FMNL3: variants seen among roughly 807,000 people sequenced by gnomAD.
FMNL3 encodes formin-like protein 3.
A neutral mutation model predicts 119.6 loss-of-function variants in FMNL3; 57 were observed. The ratio of observed to expected loss-of-function variants is 0.48; its 90% CI spans 0.39 to 0.59. The LOEUF is 0.59. Among genes scored for constraint, FMNL3 ranks in the 20% least tolerant of loss-of-function variants. FMNL3 has a pLI of 0.00. For missense variants in FMNL3, 1,053 were observed against 1,323.5 expected (o/e 0.80, Z 3.17); for synonymous variants, 491 against 507.3 (o/e 0.97, Z 0.43).
In FMNL3 at chr12:49,644,273, C is replaced by A. The variant is rs565479378; in HGVS notation, c.*1542G>T. ...CCTCACCGTCTGCCTCAGACTTCTT[C>A]CTTAGTCTGGTCTGTGTCCACTTTT... On this transcript the variant is annotated 3_prime_UTR_variant, in exon 26 of 26. Coordinates refer to ENST00000335154, the MANE Select transcript of FMNL3 (RefSeq NM_175736.5). 2.0e-6 allele frequency: 3 copies of A among 1,483,472 alleles called. No individual in the cohort carries two copies. The African/African-American group carries it at 4.2e-5, about 21-fold the overall frequency. The allele number at this position is 1,483,472 out of a possible 1,614,324, so 91.9% of individuals were successfully genotyped here.
In FMNL3 at chr12:49,639,690, A is replaced by G. The variant is rs140284083; in HGVS notation, c.*6125T>C. 3.3e-5 allele frequency: 5 copies of G among 152,352 alleles called. No homozygotes were observed. Among genetic ancestry groups the G allele is most frequent in the Non-Finnish European group, 7.3e-5 (5 of 68,036 alleles). The allele number at this position is 152,352 out of a possible 1,614,324, so 9.4% of individuals were successfully genotyped here. A position where few individuals can be genotyped will look rare whatever the true frequency, so the allele number is the denominator to read the frequency against. On this transcript the variant is annotated 3_prime_UTR_variant, in exon 26 of 26. Transcript: ENST00000335154. Reference sequence around the variant, plus strand: ...ATAAACTGTTTCTGCTGTTTAAAAAAAAAAGGGAGAATTCAACACCAGTGG... The same window carrying G: ...ATAAACTGTTTCTGCTGTTTAAAAAGAAAAGGGAGAATTCAACACCAGTGG...
intron 1 of FMNL3, among the ~76,000 whole-genome samples, chr12:49,681,242 C>G (rs1944325355): frequency 6.6e-6 from 1 of 152,258 alleles, no homozygotes. Flanking sequence ...GCTCTGTCGC[C>G]CAGGCTGGAG....
At position 49,698,832 on chromosome 12, in the gene FMNL3, G is replaced by C. The variant is rs547314740; in HGVS notation, c.126+8223C>G. Among the ~76,000 whole-genome samples the C allele has an allele frequency of 7.9e-4, 120 of 152,266 alleles. 1 individual carries two copies. The highest frequency in any genetic ancestry group is 1.4e-3 in the Non-Finnish European group (97 of 68,020). On this transcript the variant is annotated intron_variant, in intron 1 of 25. Coordinates refer to ENST00000335154, the MANE Select transcript of FMNL3 (RefSeq NM_175736.5). ...AGGCAAAAGAGAGAGACTGGAAATG[G>C]AATGCAGGAATTCTAGCTGCCCAGC... is the stretch of plus-strand genomic sequence containing the variant.
chr12:49,677,180 C>A (rs769570504), intron 1 of FMNL3, among the ~76,000 whole-genome samples: 1 of 152,230 alleles, frequency 6.6e-6, no homozygotes, highest in Non-Finnish European at 1.5e-5. Context: ...AACATCCACT[C>A]CCCTAACAGT....
chr12:49,643,516 A>G lies in FMNL3; in HGVS notation c.*2299T>C, dbSNP rs1051966927. ...GGATTGGGAGGGCTGCACCTGTGGAAGTAGAAAGAACTTCCTCTACCTGCC... is the reference window on the plus strand; with the variant it reads ...GGATTGGGAGGGCTGCACCTGTGGAGGTAGAAAGAACTTCCTCTACCTGCC... On this transcript the variant is annotated 3_prime_UTR_variant, in exon 26 of 26. Transcript: ENST00000335154. The G allele has an allele frequency of 2.8e-6, 4 of 1,415,590 alleles. No homozygotes were observed. Among genetic ancestry groups the G allele is most frequent in the Non-Finnish European group, 3.8e-6 (4 of 1,051,050 alleles). 87.7% of individuals were successfully genotyped at this position (1,415,590 alleles called of 1,614,324 possible).
chr12:49,676,328 G>A (rs1014798230), intron 1 of FMNL3, among the ~76,000 whole-genome samples: 2 of 152,178 alleles, frequency 1.3e-5, no homozygotes, highest in African/African-American at 2.4e-5. Flanking sequence ...ATTAAAGGGA[G>A]GGAATATAAC....
chr12:49,655,990 A>G (rs1943556478), intron 9 of FMNL3, among the ~76,000 whole-genome samples: 1 of 152,076 alleles, frequency 6.6e-6, no homozygotes, highest in Non-Finnish European at 1.5e-5. Flanking sequence ...ATTTCAAAAC[A>G]CATGTGCTTT....
intron 3 of FMNL3, 31 bp downstream of exon 3, chr12:49,666,096 C>T (rs1943883835): frequency 1.2e-6 from 2 of 1,606,146 alleles, no homozygotes; most frequent in Non-Finnish European, 1.7e-6. Context: ...TAAAGGGTGG[C>T]AAGACGGGGA....
Position 49,647,465 on chromosome 12 carries a change from G to A in FMNL3, c.2779-97C>T, listed in dbSNP as rs956514233. The stretch of plus-strand genomic sequence containing the variant: ...TGGAGAGTGGGTGGCAGTGGGACCC[G>A]CTAACTCCAGGTGGCCACCCTCTGG... On this transcript the variant is annotated intron_variant, in intron 23 of 25. Coordinates refer to ENST00000335154, the MANE Select transcript of FMNL3 (RefSeq NM_175736.5). This position sits in a 1 kb window ranked among gnomAD's most constrained non-coding sequence, Gnocchi z 4.9. The A allele has an allele frequency of 1.1e-5, 15 of 1,348,818 alleles. No individual in the cohort carries two copies. Among genetic ancestry groups the A allele is most frequent in the East Asian group, 2.3e-5 (1 of 43,546 alleles). 83.6% of individuals were successfully genotyped at this position (1,348,818 alleles called of 1,614,324 possible). A position where few individuals can be genotyped will look rare whatever the true frequency, so the allele number is the denominator to read the frequency against.
chr12:49,669,508 T>C (rs1943984192), intron 1 of FMNL3, among the ~76,000 whole-genome samples: 1 of 152,166 alleles, frequency 6.6e-6, no homozygotes, highest in South Asian at 2.1e-4. Flanking sequence ...AGTCTGGCTG[T>C]CTTTGTTCCA....
chr12:49,703,850 T>A (rs1944973983), intron 1 of FMNL3, among the ~76,000 whole-genome samples: 1 of 152,172 alleles, frequency 6.6e-6, no homozygotes, highest in Admixed American at 6.5e-5. Context: ...CCAGCGAGGA[T>A]ACTCTTCAGG....
intron 6 of FMNL3, 92 bp from the exon 7 acceptor site, chr12:49,657,282 CT>C: frequency 1.0e-6 from 1 of 996,602 alleles, no homozygotes. Context: ...CAGGCTGCCC[CT>C]TAGCAGTGGC....
In FMNL3 at chr12:49,707,185, GCGGGGCCCCCTCAGGGGC is replaced by G. The variant is rs761202524; in HGVS notation, c.-23_-6del. The G allele has an allele frequency of 1.9e-6, 3 of 1,544,126 alleles. No individual in the cohort carries two copies. The South Asian group carries it at 3.7e-5, about 19-fold the overall frequency. On this transcript the variant is annotated 5_prime_UTR_variant, in exon 1 of 26. Transcript: ENST00000335154. ...GGCGCTCTCCAGGTTGCCCATCGCG[GCGGGGCCCCCTCAGGGGC>G]CTCGGCCCCCCACCTCCACGCTCCG... is the stretch of plus-strand genomic sequence containing the variant.
chr12:49,676,825 A>G (rs1167530982), intron 1 of FMNL3, among the ~76,000 whole-genome samples: 1 of 152,142 alleles, frequency 6.6e-6, no homozygotes, highest in Non-Finnish European at 1.5e-5. Context: ...CTTTCCCCTC[A>G]GCAAACTCCT....
intron 1 of FMNL3, among the ~76,000 whole-genome samples, chr12:49,683,437 C>T (rs1375212672): frequency 3.3e-5 from 5 of 152,126 alleles, no homozygotes; most frequent in Non-Finnish European, 5.9e-5. Flanking sequence ...AATCTGGGTG[C>T]CATCCTCAAT....
At chr12:49,703,326 C>T (rs1417809718) in intron 1 of FMNL3, among the ~76,000 whole-genome samples, 2 of 152,042 alleles carry the variant, frequency 1.3e-5, no homozygotes, top group African/African-American at 2.4e-5. Flanking sequence ...CTAGTTTGGA[C>T]CAAAACACAC....
At chr12:49,665,700 C>T in intron 4 of FMNL3, 132 bp downstream of exon 4, 1 of 912,040 alleles carries the variant, frequency 1.1e-6, no homozygotes, top group Non-Finnish European at 1.8e-6. Context: ...AGCCAGAAGC[C>T]ATTCAAGGGG....
chr12:49,642,895 T>G lies in FMNL3; in HGVS notation c.*2920A>C. The G allele has an allele frequency of 1.3e-6, 2 of 1,592,360 alleles. No homozygotes were observed. Among genetic ancestry groups the G allele is most frequent in the Non-Finnish European group, 1.7e-6 (2 of 1,167,300 alleles). ...GGATCCTTCCTGGGGCTAAGTCTGG[T>G]GCTGTCCTCACCCTTCTTCCTCTGC... On this transcript the variant is annotated 3_prime_UTR_variant, in exon 26 of 26. Transcript: ENST00000335154. This position sits in a 1 kb window ranked among gnomAD's most constrained non-coding sequence, Gnocchi z 5.8.
At chr12:49,691,080 T>C (rs12299477) in intron 1 of FMNL3, among the ~76,000 whole-genome samples, 3,393 of 152,292 alleles carry the variant, frequency 0.022, 133 homozygotes, top group African/African-American at 0.078. Flanking sequence ...GGCATCAGGC[T>C]GCTTGGACTC....
Sources: allele counts gnomAD v4.1 joint callset (sites outside exome capture counted in the v4.1 genomes callset), GRCh38; gene constraint gnomAD v4.1.1; non-coding constraint Gnocchi (gnomAD v3.1); transcripts MANE v1.5; gene names NCBI Gene and HGNC (gene_info 2026-07-23, HGNC 2026-07-21).